Variants in DEPTOR observed in about 807,000 individuals in gnomAD.
The protein encoded by DEPTOR is DEP domain containing MTOR interacting protein.
DEPTOR carries 41 observed loss-of-function variants against 41.6 expected under a neutral mutation model. That is an observed-to-expected ratio of 0.98 (90% confidence interval 0.77 to 1.28). The LOEUF (loss-of-function observed/expected upper bound fraction) is 1.28, where lower values mean the gene tolerates loss of function less well. Ranked by LOEUF, DEPTOR falls within the 50% of genes most tolerant of loss-of-function variation. DEPTOR has a pLI of 0.00. For synonymous variants in DEPTOR, 195 were observed against 192.3 expected (o/e 1.01, Z -0.12); for missense variants, 514 against 527.9 (o/e 0.97, Z 0.26).
At chr8:120,007,323 A>G (rs1052038558) in intron 7 of DEPTOR, among the ~76,000 whole-genome samples, 1 of 152,206 alleles carries the variant, frequency 6.6e-6, no homozygotes, top group African/African-American at 2.4e-5. Context: ...AATTATTTAA[A>G]ACATTAGGGG....
chr8:120,000,489 G>A (rs1267116033), intron 4 of DEPTOR, among the ~76,000 whole-genome samples: 1 of 152,056 alleles, frequency 6.6e-6, no homozygotes, highest in Non-Finnish European at 1.5e-5. Flanking sequence ...CTGAGACAGA[G>A]TCTTGCCCTG....
chr8:119,888,845 G>T (rs865993374), intron 1 of DEPTOR, among the ~76,000 whole-genome samples: 1 of 105,390 alleles, frequency 9.5e-6, no homozygotes, highest in Non-Finnish European at 1.7e-5. Flanking sequence ...GACAGAGCAA[G>T]ACTCTGTCTC....
At chr8:119,977,680 T>C (rs1431405235) in intron 4 of DEPTOR, among the ~76,000 whole-genome samples, 1 of 152,146 alleles carries the variant, frequency 6.6e-6, no homozygotes, top group African/African-American at 2.4e-5. Context: ...CAATAAAGTA[T>C]TGGTTTATGT....
At chr8:120,012,630 A>G (rs1458136683) in intron 8 of DEPTOR, among the ~76,000 whole-genome samples, 2 of 151,958 alleles carry the variant, frequency 1.3e-5, no homozygotes, top group Non-Finnish European at 2.9e-5. Context: ...TCCACTTCCC[A>G]GGTTCAAGCA....
chr8:119,978,646 A>C (rs1483977313), intron 4 of DEPTOR, among the ~76,000 whole-genome samples: 1 of 152,090 alleles, frequency 6.6e-6, no homozygotes, highest in Non-Finnish European at 1.5e-5. Flanking sequence ...TTCTAGTATC[A>C]GCCCCCTCCC....
chr8:119,884,570 CTTT>C (rs71304915), intron 1 of DEPTOR, among the ~76,000 whole-genome samples: 3 of 144,088 alleles, frequency 2.1e-5, no homozygotes, highest in African/African-American at 5.1e-5. Context: ...AAAGGATTGG[CTTT>C]TTTTTTTTTT....
At chr8:119,943,744 C>T (rs1010367186) in intron 3 of DEPTOR, among the ~76,000 whole-genome samples, 1 of 152,158 alleles carries the variant, frequency 6.6e-6, no homozygotes, top group African/African-American at 2.4e-5. Context: ...TTCTGTCAGA[C>T]CAGGAGCTTC....
At chr8:119,948,671 G>T (rs1262169187) in intron 3 of DEPTOR, among the ~76,000 whole-genome samples, 3 of 151,946 alleles carry the variant, frequency 2.0e-5, no homozygotes, top group Non-Finnish European at 4.4e-5. Flanking sequence ...ACTTCAAAAA[G>T]AAACCCCTTA....
At chr8:119,879,412 A>G (rs1827270497) in intron 1 of DEPTOR, among the ~76,000 whole-genome samples, 1 of 152,192 alleles carries the variant, frequency 6.6e-6, no homozygotes, top group Admixed American at 6.5e-5. Flanking sequence ...AGTACTATTC[A>G]TAATAATCAA....
At chr8:119,900,059 G>A (rs1481436778) in intron 1 of DEPTOR, among the ~76,000 whole-genome samples, 2 of 151,932 alleles carry the variant, frequency 1.3e-5, no homozygotes, top group Admixed American at 6.6e-5. Context: ...AGTGGCTCAC[G>A]CTTGTAATCC....
chr8:119,959,294 A>G (rs1412889448), intron 3 of DEPTOR, among the ~76,000 whole-genome samples: 1 of 148,804 alleles, frequency 6.7e-6, no homozygotes, highest in African/African-American at 2.5e-5. Context: ...TCCTCAGCAG[A>G]TGGGACTACA....
intron 1 of DEPTOR, among the ~76,000 whole-genome samples, chr8:119,877,971 G>T (rs1330752445): frequency 6.6e-6 from 1 of 152,068 alleles, no homozygotes; most frequent in Non-Finnish European, 1.5e-5. Flanking sequence ...CACTCTTGTT[G>T]CCCAGGCTGG....
intron 1 of DEPTOR, 105 bp from the exon 2 acceptor site, chr8:119,928,295 C>T: frequency 3.3e-6 from 4 of 1,214,804 alleles, no homozygotes; most frequent in South Asian, 3.2e-5. Flanking sequence ...TTCAATGACA[C>T]CTTCATGCCT....
chr8:119,915,758 A>G (rs1284219472), intron 1 of DEPTOR, among the ~76,000 whole-genome samples: 1 of 152,172 alleles, frequency 6.6e-6, no homozygotes, highest in Non-Finnish European at 1.5e-5. Flanking sequence ...ACCATAGAAG[A>G]GATGAGGTTG....
Position 119,873,800 on chromosome 8 carries a change from C to T in DEPTOR, c.-47C>T. The T allele has an allele frequency of 1.2e-6, 2 of 1,605,056 alleles. No individual in the cohort carries two copies. Among genetic ancestry groups the T allele is most frequent in the Admixed American group, 3.4e-5 (2 of 59,198 alleles). ...GGGCAGACTGATCCGAGCACCCAAA[C>T]CCTCGGCGGACAGCGGAGCCAGTGG... On this transcript the variant is annotated 5_prime_UTR_variant, in exon 1 of 9. Coordinates refer to ENST00000286234, the MANE Select transcript of DEPTOR (RefSeq NM_022783.4).
chr8:119,884,451 G>A (rs1407299174), intron 1 of DEPTOR, among the ~76,000 whole-genome samples: 1 of 152,122 alleles, frequency 6.6e-6, no homozygotes, highest in Non-Finnish European at 1.5e-5. Flanking sequence ...GTGTCCGAAA[G>A]CAAAGAAGAC....
At chr8:119,874,064 C>T in intron 1 of DEPTOR, 96 bp downstream of exon 1, 1 of 1,566,056 alleles carries the variant, frequency 6.4e-7, no homozygotes, top group South Asian at 1.2e-5. Context: ...TCGTGGCTTG[C>T]GACTCGCGTG....
At chr8:119,885,607 CTT>C (rs374998442) in intron 1 of DEPTOR, among the ~76,000 whole-genome samples, 241 of 152,280 alleles carry the variant, frequency 1.6e-3, no homozygotes, top group African/African-American at 5.4e-3. Context: ...ATTTTTTTCT[CTT>C]GTTATACTTG....
At chr8:119,900,651 A>G (rs1016549863) in intron 1 of DEPTOR, among the ~76,000 whole-genome samples, 12 of 151,980 alleles carry the variant, frequency 7.9e-5, no homozygotes, top group African/African-American at 2.7e-4. Flanking sequence ...AGCCTCTCAA[A>G]GTCCTAGGAT....
Sources: gnomAD v4.1 joint callset for allele counts (sites outside exome capture counted in the v4.1 genomes callset) on GRCh38, gnomAD v4.1.1 for gene constraint, MANE v1.5 for transcripts, NCBI Gene and HGNC (gene_info 2026-07-23, HGNC 2026-07-21) for gene names.